ITGB6: variants seen among roughly 807,000 people sequenced by gnomAD.
The protein encoded by ITGB6 is integrin subunit beta 6.
Under a neutral mutation model 84.5 loss-of-function variants are expected in ITGB6, and 80 were observed. The ratio of observed to expected loss-of-function variants is 0.95; its 90% confidence interval spans 0.79 to 1.14. ITGB6 has a LOEUF of 1.14. Ranked by LOEUF, ITGB6 falls within the 50% of genes most tolerant of loss-of-function variation. The pLI is 0.00. For synonymous variants in ITGB6, 383 were observed against 354.9 expected (o/e 1.08, Z -0.89); for missense variants, 1,006 against 968.0 (o/e 1.04, Z -0.52).
chr2:160,176,058 T>C (rs140416667), intron 4 of ITGB6, among the ~76,000 whole-genome samples: 25 of 152,278 alleles, frequency 1.6e-4, no homozygotes, highest in African/African-American at 4.6e-4. Context: ...CAGTAGACTT[T>C]CCTTGAAAGC....
chr2:160,147,206 A>G (rs752720619), intron 7 of ITGB6, among the ~76,000 whole-genome samples: 5 of 152,030 alleles, frequency 3.3e-5, no homozygotes, highest in Non-Finnish European at 7.4e-5. Flanking sequence ...AGAGAATATA[A>G]CCAGCTCCCT....
chr2:160,113,766 G>A (rs1682632564), intron 12 of ITGB6, among the ~76,000 whole-genome samples: 3 of 152,192 alleles, frequency 2.0e-5, no homozygotes, highest in Non-Finnish European at 4.4e-5. Context: ...TTGGTGAGAT[G>A]TGTGTTATTT....
intron 4 of ITGB6, among the ~76,000 whole-genome samples, chr2:160,188,944 T>C (rs1686025455): frequency 6.6e-6 from 1 of 152,086 alleles, no homozygotes; most frequent in South Asian, 2.1e-4. Context: ...GCTACCGGAC[T>C]TCAAACTATA....
intron 4 of ITGB6, among the ~76,000 whole-genome samples, chr2:160,192,928 A>G (rs1002902958): frequency 1.3e-5 from 2 of 152,176 alleles, no homozygotes; most frequent in Admixed American, 1.3e-4. Flanking sequence ...AATTAAAGCT[A>G]CAATGAGATG....
chr2:160,118,481 C>A (rs1388227384), intron 12 of ITGB6, among the ~76,000 whole-genome samples: 1 of 152,136 alleles, frequency 6.6e-6, no homozygotes, highest in Non-Finnish European at 1.5e-5. Flanking sequence ...ATGCTAAAAA[C>A]TCTCAATAAA....
chr2:160,132,222 A>C (rs1293210175), intron 10 of ITGB6, among the ~76,000 whole-genome samples: 2 of 152,130 alleles, frequency 1.3e-5, no homozygotes, highest in Non-Finnish European at 2.9e-5. Context: ...AAGAGGACTG[A>C]TGTGGGTTTG....
Position 160,169,249 on chromosome 2 carries a change from A to C in ITGB6, c.980T>G (p.Ile327Ser), listed in dbSNP as rs1287594216. Reference sequence around the variant, plus strand: ...AACTTGTTCTTGGGTTACAGCGAAGATCAATAACACGTTGTTTTGTACCAG... The same window carrying C: ...AACTTGTTCTTGGGTTACAGCGAAGCTCAATAACACGTTGTTTTGTACCAG... ...DKLVQNNVLL[I>S]FAVTQEQVHL... The change falls in exon 7 of 15, where the codon ATC becomes AGC. Residue 327 changes from isoleucine to serine, a missense_variant. Coordinates refer to ENST00000283249, the MANE Select transcript of ITGB6 (RefSeq NM_000888.5). The C allele has an allele frequency of 1.2e-6, 2 of 1,605,074 alleles. No individual in the cohort carries two copies. The highest frequency in any genetic ancestry group is 1.1e-5 in the South Asian group (1 of 89,374).
chr2:160,178,132 C>T (rs547097778), intron 4 of ITGB6, among the ~76,000 whole-genome samples: 1 of 152,352 alleles, frequency 6.6e-6, no homozygotes, highest in South Asian at 2.1e-4. Flanking sequence ...ACCTTGGCAT[C>T]CCAAAGTGCT....
At chr2:160,175,984 A>AG (rs1443985637) in intron 4 of ITGB6, among the ~76,000 whole-genome samples, 1 of 152,210 alleles carries the variant, frequency 6.6e-6, no homozygotes, top group African/African-American at 2.4e-5. Context: ...TTTCACACTG[A>AG]GTAAGGATGC....
At chr2:160,142,477 T>C (rs1327889007) in intron 7 of ITGB6, among the ~76,000 whole-genome samples, 2 of 152,222 alleles carry the variant, frequency 1.3e-5, no homozygotes, top group Admixed American at 6.5e-5. Context: ...TTGGTGCACA[T>C]GGGCAATGAG....
chr2:160,146,446 AATATT>A (rs1428705649), intron 7 of ITGB6, among the ~76,000 whole-genome samples: 1 of 152,152 alleles, frequency 6.6e-6, no homozygotes, highest in East Asian at 1.9e-4. Flanking sequence ...GTTTGTTTTC[AATATT>A]ATATTATTAA....
In ITGB6 at chr2:160,103,042, G is replaced by T. The variant is rs531295309; in HGVS notation, c.2269-1208C>A. On this transcript the variant is annotated intron_variant, in intron 14 of 14. Transcript: ENST00000283249. ...TAAGATATTTTCCCCCAGGGCTTTG[G>T]TACACTTAACATTTCTAAGCCCATT... Among the ~76,000 whole-genome samples, 7 of 152,104 alleles carry T rather than the reference G, an allele frequency of 4.6e-5. No individual in the cohort carries two copies. In the South Asian group the frequency reaches 1.2e-3, roughly 27 times the overall value.
chr2:160,181,130 C>T (rs530832645), intron 4 of ITGB6, among the ~76,000 whole-genome samples: 7 of 152,170 alleles, frequency 4.6e-5, no homozygotes, highest in Admixed American at 3.9e-4. Context: ...GGAATTCCAG[C>T]GAGACAGAAC....
intron 12 of ITGB6, among the ~76,000 whole-genome samples, chr2:160,119,366 T>G (rs1401603079): frequency 6.6e-6 from 1 of 151,982 alleles, no homozygotes; most frequent in East Asian, 1.9e-4. Context: ...ATGCCGCATA[T>G]CTACAACTAT....
At chr2:160,131,135 AG>A (rs1466205022) in intron 10 of ITGB6, among the ~76,000 whole-genome samples, 5 of 152,216 alleles carry the variant, frequency 3.3e-5, no homozygotes, top group Non-Finnish European at 7.4e-5. Flanking sequence ...TGATAACCAA[AG>A]ATCAAGAAAA....
At chr2:160,182,609 C>G (rs1480459156) in intron 4 of ITGB6, among the ~76,000 whole-genome samples, 1 of 152,120 alleles carries the variant, frequency 6.6e-6, no homozygotes, top group East Asian at 1.9e-4. Context: ...CACAGCAAGG[C>G]AGGGCAACAT....
chr2:160,131,281 G>C (rs546343236), intron 10 of ITGB6, among the ~76,000 whole-genome samples: 1 of 152,252 alleles, frequency 6.6e-6, no homozygotes, highest in East Asian at 1.9e-4. Context: ...CAAAATACAG[G>C]AGACTAATGG....
intron 7 of ITGB6, among the ~76,000 whole-genome samples, chr2:160,151,732 A>C (rs150409386): frequency 0.01 from 1,596 of 152,094 alleles, 29 homozygotes; most frequent in African/African-American, 0.032. Flanking sequence ...AGAGAAGAAT[A>C]AAATAGATGC....
intron 12 of ITGB6, among the ~76,000 whole-genome samples, chr2:160,119,902 A>T (rs1328912426): frequency 6.6e-6 from 1 of 152,238 alleles, no homozygotes; most frequent in Non-Finnish European, 1.5e-5. Context: ...TGCAGCCAAA[A>T]GACACATGAA....
Sources: allele counts gnomAD v4.1 joint callset (sites outside exome capture counted in the v4.1 genomes callset), GRCh38; gene constraint gnomAD v4.1.1; transcripts MANE v1.5; gene names NCBI Gene and HGNC (gene_info 2026-07-23, HGNC 2026-07-21).